Variants in CES4A observed in about 807,000 individuals in gnomAD.
CES4A encodes carboxylesterase 6.
A neutral mutation model predicts 65.4 loss-of-function variants in CES4A; 48 were observed. That is an observed-to-expected ratio of 0.73 (90% CI 0.58 to 0.93). The LOEUF is 0.93. Among genes scored for constraint, CES4A ranks in the 40% least tolerant of loss-of-function variants. The pLI is 0.00. For synonymous variants in CES4A, 247 were observed against 281.8 expected, an observed-to-expected ratio of 0.88 and a Z score of 1.24; for missense variants, 685 against 728.5, an observed-to-expected ratio of 0.94 and a Z score of 0.69.
rs370940783 is a variant in CES4A, at chr16:66,988,816, C to T, written c.44C>T (p.Ala15Val). 1.1e-4 allele frequency: 171 copies of T among 1,567,936 alleles called. No individual in the cohort carries two copies. Among genetic ancestry groups the T allele is most frequent in the South Asian group, 2.8e-4 (24 of 85,298 alleles). The change falls in exon 1 of 14, where the codon GCG becomes GTG. Residue 15 changes from alanine to valine, a missense_variant. Ala to Val is a moderately conservative substitution (Grantham distance 64). Transcript: ENST00000648724. The stretch of plus-strand genomic sequence containing the variant: ...TGGAGCCTCACCCTCTGCCTGATGG[C>T]GCAGACGGCCTTGGGTAAGACCCCC...
chr16:66,992,520 G>A (rs977370395), intron 1 of CES4A, among the ~76,000 whole-genome samples: 2 of 152,156 alleles, frequency 1.3e-5, no homozygotes, highest in Non-Finnish European at 2.9e-5. Flanking sequence ...GTGGGGCCAA[G>A]GAATACATAT....
At chr16:67,008,991 A>G (rs754286920) in exon 14 of CES4A, 1 of 1,613,608 alleles carries the variant, frequency 6.2e-7, no homozygotes, top group South Asian at 1.1e-5. Flanking sequence ...AATGATGGGA[A>G]TCTGCCCTGC....
chr16:67,001,603 G>A lies in CES4A; in HGVS notation c.690+142G>A. 1 of 1,000,566 alleles carries A rather than the reference G, an allele frequency of 1.0e-6. No homozygotes were observed. Among genetic ancestry groups the A allele is most frequent in the Non-Finnish European group, 1.4e-6 (1 of 700,968 alleles). 62.0% of individuals were successfully genotyped at this position (1,000,566 alleles called of 1,614,324 possible). A position where few individuals can be genotyped will look rare whatever the true frequency, so the allele number is the denominator to read the frequency against. ...AGAAATGCTCTCGCCCCTGCCAAGG[G>A]TACAGCCCCTCATAGCCAAGGATGT... On this transcript the variant is annotated intron_variant, in intron 5 of 13. Coordinates refer to ENST00000648724, the Ensembl canonical transcript of CES4A. The surrounding 1 kb of genome is among the most constrained non-coding windows in gnomAD (Gnocchi z 4.1).
At chr16:66,992,154 C>A (rs573461732) in intron 1 of CES4A, among the ~76,000 whole-genome samples, 1 of 152,230 alleles carries the variant, frequency 6.6e-6, no homozygotes, top group African/African-American at 2.4e-5. Flanking sequence ...CACGGCCCCC[C>A]TCTGGGTCTT....
At chr16:66,999,083 C>G (rs976361220) in intron 2 of CES4A, among the ~76,000 whole-genome samples, 3 of 152,162 alleles carry the variant, frequency 2.0e-5, no homozygotes, top group Admixed American at 6.6e-5. Context: ...TGGTGAGGTG[C>G]TAGGTGTGGT....
chr16:67,006,928 C>G (rs891594670), intron 13 of CES4A, 111 bp downstream of exon 13: 15 of 1,001,892 alleles, frequency 1.5e-5, no homozygotes, highest in Non-Finnish European at 1.8e-5. Context: ...ACTGCCCAGT[C>G]GGCCCAAACA....
At chr16:67,002,221 A>C (rs1187805298) in intron 5 of CES4A, among the ~76,000 whole-genome samples, 1 of 152,082 alleles carries the variant, frequency 6.6e-6, no homozygotes, top group Non-Finnish European at 1.5e-5. Context: ...GCTGGAGTGC[A>C]ATGGCGTGAT....
intron 1 of CES4A, 96 bp downstream of exon 1, chr16:66,988,926 C>A: frequency 7.1e-7 from 1 of 1,400,308 alleles, no homozygotes; most frequent in Non-Finnish European, 9.5e-7. Context: ...GACAGCAGGG[C>A]AGGAGCACTT....
Position 67,007,035 on chromosome 16 carries a change from C to T in CES4A, c.1517+218C>T, listed in dbSNP as rs1461900141. 7.2e-6 allele frequency: 4 copies of T among 555,712 alleles called. No homozygotes were observed. In the East Asian group the frequency reaches 1.2e-4, roughly 17 times the overall value. 34.4% of individuals were successfully genotyped at this position (555,712 alleles called of 1,614,324 possible). A position where few individuals can be genotyped will look rare whatever the true frequency, so the allele number is the denominator to read the frequency against. The stretch of plus-strand genomic sequence containing the variant: ...TGATCCATGACCCACACTCTTCATT[C>T]ACTCAAGCATTCCACAGTCATTCAC... On this transcript the variant is annotated intron_variant, in intron 13 of 13. Transcript: ENST00000648724.
chr16:67,002,154 A>G (rs1054069636), intron 5 of CES4A, among the ~76,000 whole-genome samples: 5 of 152,216 alleles, frequency 3.3e-5, no homozygotes, highest in African/African-American at 1.2e-4. Context: ...ATTCACTAAA[A>G]AGCAGAGGAA....
At chr16:67,008,806 C>A in intron 13 of CES4A, 168 bp from the exon 14 acceptor site, 5 of 679,574 alleles carry the variant, frequency 7.4e-6, no homozygotes, top group East Asian at 5.2e-5. Flanking sequence ...GCCTGGAAGG[C>A]CCACCCCAAT....
chr16:67,009,161 G>A, exon 14 of CES4A: 2 of 1,604,812 alleles, frequency 1.2e-6, no homozygotes, highest in South Asian at 1.1e-5. Flanking sequence ...ATGCAGGAAG[G>A]AGCCAAAGAG....
At chr16:66,992,333 G>A (rs899423055) in intron 1 of CES4A, among the ~76,000 whole-genome samples, 4 of 152,230 alleles carry the variant, frequency 2.6e-5, no homozygotes, top group African/African-American at 9.6e-5. Flanking sequence ...CCCAGATATT[G>A]CTTATGTGAG....
exon 11 of CES4A, chr16:67,005,369 C>T (rs1965674007): frequency 1.2e-6 from 2 of 1,614,070 alleles, no homozygotes; most frequent in Non-Finnish European, 1.7e-6. Context: ...GTATGCCACA[C>T]TGCAGACTGC....
chr16:67,001,433 C>T lies in CES4A; in HGVS notation c.662C>T (p.Ser221Leu), dbSNP rs1965342130. 6.2e-7 allele frequency: 1 copy of T among 1,611,526 alleles called. No individual in the cohort carries two copies. Residue 221 changes from serine to leucine, a missense_variant, in exon 5 of 14, where the codon TCG (serine) becomes TTG (leucine). Ser to Leu is a moderately radical substitution (Grantham distance 145). Transcript: ENST00000648724. The surrounding 1 kb of genome is among the most constrained non-coding windows in gnomAD (Gnocchi z 4.1). ...GGAAATGTGACCCTGTTCGGCCAGT[C>T]GGCGGGGGCCATGAGCATCTCAGGA...
In CES4A at chr16:67,001,366, C is replaced by T. The variant is rs372544040; in HGVS notation, c.595C>T (p.Arg199Cys). The T allele has an allele frequency of 3.1e-6, 5 of 1,613,420 alleles. No individual in the cohort carries two copies. Among genetic ancestry groups the T allele is most frequent in the African/African-American group, 1.3e-5 (1 of 74,890 alleles). The stretch of plus-strand genomic sequence containing the variant: ...GCTGCTGGACCAGATGGCGGCTCTG[C>T]GCTGGGTGCAGGAGAACATCGCAGC... Residue 199 changes from arginine (R) to cysteine (C), a missense_variant, in exon 5 of 14, where the codon CGC (arginine) becomes TGC (cysteine). Coordinates refer to ENST00000648724, the Ensembl canonical transcript of CES4A. The surrounding 1 kb of genome is among the most constrained non-coding windows in gnomAD (Gnocchi z 4.1).
intron 1 of CES4A, among the ~76,000 whole-genome samples, chr16:66,992,770 C>T (rs779930012): frequency 3.9e-5 from 6 of 152,156 alleles, no homozygotes; most frequent in East Asian, 1.9e-4. Flanking sequence ...CTCCTCCTCG[C>T]GGGTTCAAGA....
In CES4A at chr16:67,006,827, C is replaced by G; in HGVS notation, c.1517+10C>G. ...ACTTTGCCCGCACAGGGTGAGTCTG[C>G]CCCCCAGCACATCTGGGCATTCTAC... is the stretch of plus-strand genomic sequence containing the variant. On this transcript the variant is annotated intron_variant, in intron 13 of 13. Coordinates refer to ENST00000648724, the Ensembl canonical transcript of CES4A. The G allele has an allele frequency of 6.2e-7, 1 of 1,612,508 alleles. No individual in the cohort carries two copies. The highest frequency in any genetic ancestry group is 8.5e-7 in the Non-Finnish European group (1 of 1,178,772).
chr16:67,003,399 A>T lies in CES4A; in HGVS notation c.900+39A>T. 6.2e-7 allele frequency: 1 copy of T among 1,603,348 alleles called. No individual in the cohort carries two copies. Among genetic ancestry groups the T allele is most frequent in the Non-Finnish European group, 8.5e-7 (1 of 1,170,462 alleles). On this transcript the variant is annotated intron_variant, in intron 7 of 13. Coordinates refer to ENST00000648724, the Ensembl canonical transcript of CES4A. The surrounding 1 kb of genome is among the most constrained non-coding windows in gnomAD (Gnocchi z 4.2). ...TCCAGCTGCCTGACCTGGCTGCCTG[A>T]GGGCCATCCTCCTATCCTGGTACCC...
Sources: gnomAD v4.1 joint callset for allele counts (sites outside exome capture counted in the v4.1 genomes callset) on GRCh38, gnomAD v4.1.1 for gene constraint, Gnocchi (gnomAD v3.1) non-coding constraint, MANE v1.5 for transcripts, NCBI Gene and HGNC (gene_info 2026-07-23, HGNC 2026-07-21) for gene names.